Variants in CACNA1E observed in about 807,000 individuals in gnomAD.
CACNA1E encodes calcium voltage-gated channel subunit alpha1 E.
In CACNA1E, 40 loss-of-function variants were observed where a neutral mutation model predicts 259.2. That is an observed-to-expected ratio of 0.15 (90% CI 0.12 to 0.20). The LOEUF is 0.20. Ranked by LOEUF, CACNA1E falls within the 10% of genes least tolerant of loss-of-function variation. CACNA1E has a pLI of 1.00. For synonymous variants in CACNA1E, 1,104 were observed against 1,138.5 expected, an observed-to-expected ratio of 0.97 and a Z score of 0.61; for missense variants, 1,874 against 3,040.1, an observed-to-expected ratio of 0.62 and a Z score of 9.02.
intron 7 of CACNA1E, among the ~76,000 whole-genome samples, chr1:181,674,156 G>A (rs1227217866): frequency 6.7e-6 from 1 of 149,880 alleles, no homozygotes; most frequent in South Asian, 2.1e-4. Context: ...AAGGCGGGCG[G>A]ATCACGAGGT....
chr1:181,386,315 G>A, intron 1 of CACNA1E, among the ~76,000 whole-genome samples: 1 of 148,934 alleles, frequency 6.7e-6, no homozygotes, highest in East Asian at 1.9e-4. Flanking sequence ...AAAAGGGGCA[G>A]GGGAGGTGTT....
intron 44 of CACNA1E, among the ~76,000 whole-genome samples, chr1:181,793,221 C>T (rs138474940): frequency 0.012 from 1,796 of 152,238 alleles, 18 homozygotes; most frequent in Non-Finnish European, 0.017. Flanking sequence ...CTTGAGAAGA[C>T]GTATTTGACA....
At chr1:181,453,854 C>CCAGTA (rs1467632574) in intron 2 of CACNA1E, among the ~76,000 whole-genome samples, 3 of 152,312 alleles carry the variant, frequency 2.0e-5, no homozygotes, top group Middle Eastern at 3.4e-3. Context: ...TGTTTGATTG[C>CCAGTA]CAGTAGCTCT....
intron 2 of CACNA1E, among the ~76,000 whole-genome samples, chr1:181,435,744 C>T (rs1255589888): frequency 6.6e-6 from 1 of 152,142 alleles, no homozygotes; most frequent in African/African-American, 2.4e-5. Flanking sequence ...CTAATACAGT[C>T]AAAGGAGTTC....
intron 29 of CACNA1E, among the ~76,000 whole-genome samples, chr1:181,756,512 G>A (rs932345696): frequency 6.6e-6 from 1 of 152,156 alleles, no homozygotes; most frequent in Non-Finnish European, 1.5e-5. Context: ...GGCACCTCCT[G>A]TGATCATGAG....
chr1:181,594,637 A>G (rs1283684576), intron 6 of CACNA1E, among the ~76,000 whole-genome samples: 2 of 152,202 alleles, frequency 1.3e-5, no homozygotes, highest in African/African-American at 4.8e-5. Flanking sequence ...ACTGCAAGTG[A>G]TCCACCTGCC....
At chr1:181,476,814 G>A (rs1662885122) in intron 2 of CACNA1E, among the ~76,000 whole-genome samples, 1 of 152,130 alleles carries the variant, frequency 6.6e-6, no homozygotes, top group African/African-American at 2.4e-5. Context: ...CCCATCAGTG[G>A]GAGCTGGGGC....
At chr1:181,504,621 C>T (rs935814664) in intron 1 of CACNA1E, among the ~76,000 whole-genome samples, 1 of 152,226 alleles carries the variant, frequency 6.6e-6, no homozygotes, top group Non-Finnish European at 1.5e-5. Context: ...ATGAAGAGCT[C>T]AGCTCCAGGC....
intron 1 of CACNA1E, among the ~76,000 whole-genome samples, chr1:181,343,904 C>A (rs1218305095): frequency 6.6e-6 from 1 of 152,106 alleles, no homozygotes; most frequent in Non-Finnish European, 1.5e-5. Context: ...TCCCCGGCTT[C>A]TCCTCTCCCC....
intron 2 of CACNA1E, among the ~76,000 whole-genome samples, chr1:181,469,749 G>C (rs986811252): frequency 3.9e-5 from 6 of 152,126 alleles, no homozygotes; most frequent in African/African-American, 1.4e-4. Context: ...AGCAGTTAGG[G>C]AGGTAGAAGG....
intron 32 of CACNA1E, among the ~76,000 whole-genome samples, chr1:181,759,645 A>AT (rs1315158784): frequency 1.3e-5 from 2 of 152,150 alleles, no homozygotes; most frequent in African/African-American, 4.8e-5. Flanking sequence ...CCCTCCCCCC[A>AT]ACCTGCTTCA....
intron 7 of CACNA1E, among the ~76,000 whole-genome samples, chr1:181,653,228 C>T (rs1658916271): frequency 6.6e-6 from 1 of 151,982 alleles, no homozygotes; most frequent in Non-Finnish European, 1.5e-5. Context: ...TTGGCTGTGT[C>T]CCCACCCAAA....
chr1:181,453,668 T>C (rs1033282733), intron 2 of CACNA1E, among the ~76,000 whole-genome samples: 3 of 151,724 alleles, frequency 2.0e-5, no homozygotes, highest in African/African-American at 7.3e-5. Flanking sequence ...GGTGGCAGAA[T>C]CCCGCAGTGG....
At chr1:181,409,439 C>T (rs1489603855) in intron 1 of CACNA1E, among the ~76,000 whole-genome samples, 1 of 152,116 alleles carries the variant, frequency 6.6e-6, no homozygotes, top group Non-Finnish European at 1.5e-5. Flanking sequence ...CTACTGTGTG[C>T]CCAAGAAGGG....
intron 3 of CACNA1E, among the ~76,000 whole-genome samples, chr1:181,546,373 G>A (rs1324740257): frequency 6.6e-6 from 1 of 152,146 alleles, no homozygotes; most frequent in Non-Finnish European, 1.5e-5. Context: ...AGGGCACTTG[G>A]AAGATGCTGA....
chr1:181,393,421 C>T (rs1426445717), intron 1 of CACNA1E, among the ~76,000 whole-genome samples: 1 of 152,122 alleles, frequency 6.6e-6, no homozygotes, highest in Non-Finnish European at 1.5e-5. Context: ...GTCTTCAAGG[C>T]TTTGAGGATG....
At chr1:181,598,526 T>G (rs1410869461) in intron 6 of CACNA1E, among the ~76,000 whole-genome samples, 1 of 151,200 alleles carries the variant, frequency 6.6e-6, no homozygotes, top group Non-Finnish European at 1.5e-5. Context: ...AATAAAGGAG[T>G]TGGGGTGGAA....
At chr1:181,662,567 T>C (rs1647793587) in intron 7 of CACNA1E, among the ~76,000 whole-genome samples, 2 of 152,338 alleles carry the variant, frequency 1.3e-5, no homozygotes, top group East Asian at 1.9e-4. Flanking sequence ...AGGATATTGG[T>C]GTTTGTCATA....
chr1:181,725,213 C>A (rs1040326251), intron 17 of CACNA1E, among the ~76,000 whole-genome samples: 1 of 152,230 alleles, frequency 6.6e-6, no homozygotes, highest in African/African-American at 2.4e-5. Flanking sequence ...TTCTTCCATG[C>A]ATTCTCTGAT....
Sources: gnomAD v4.1 joint callset for allele counts (sites outside exome capture counted in the v4.1 genomes callset) on GRCh38, gnomAD v4.1.1 for gene constraint, MANE v1.5 for transcripts, NCBI Gene and HGNC (gene_info 2026-07-23, HGNC 2026-07-21) for gene names.